ALPK2: variants seen among roughly 807,000 people sequenced by gnomAD.
The protein encoded by ALPK2 is alpha kinase 2, also known as alpha-protein kinase 2.
In ALPK2, 127 loss-of-function variants were observed where a neutral mutation model predicts 163.1. That is an observed-to-expected ratio of 0.78 (90% CI 0.67 to 0.90). ALPK2 has a LOEUF of 0.90. Among genes scored for constraint, ALPK2 ranks in the 40% least tolerant of loss-of-function variants. ALPK2 has a pLI of 0.00. For synonymous variants in ALPK2, 953 were observed against 959.1 expected (o/e 0.99, Z 0.12); for missense variants, 2,360 against 2,589.6 (o/e 0.91, Z 1.92).
chr18:58,596,772 AGAACAGAACCCCTG>A (rs1203266584), intron 3 of ALPK2, among the ~76,000 whole-genome samples: 1 of 152,234 alleles, frequency 6.6e-6, no homozygotes, highest in Non-Finnish European at 1.5e-5. Flanking sequence ...GACTCAGTGA[AGAACAGAACCCCTG>A]GATGCGTTGT....
intron 3 of ALPK2, among the ~76,000 whole-genome samples, chr18:58,582,064 T>C (rs57378615): frequency 0.32 from 48,065 of 152,054 alleles, 8,297 homozygotes; most frequent in East Asian, 0.59. Flanking sequence ...GAGTTGGCAA[T>C]CTGGCTCTTG....
chr18:58,522,593 C>T (rs535728270), intron 8 of ALPK2, among the ~76,000 whole-genome samples: 1 of 152,178 alleles, frequency 6.6e-6, no homozygotes, highest in African/African-American at 2.4e-5. Flanking sequence ...AAGACACAAA[C>T]GAATGGAGTG....
intron 4 of ALPK2, among the ~76,000 whole-genome samples, chr18:58,555,321 G>A (rs953236740): frequency 2.6e-5 from 4 of 152,198 alleles, no homozygotes; most frequent in Non-Finnish European, 5.9e-5. Context: ...CAGGAGTACA[G>A]TAACTAGCTT....
intron 3 of ALPK2, among the ~76,000 whole-genome samples, chr18:58,590,769 C>T (rs1255926000): frequency 6.6e-6 from 1 of 152,218 alleles, no homozygotes; most frequent in Non-Finnish European, 1.5e-5. Flanking sequence ...ATTCCTCATA[C>T]ATTTACCAAT....
chr18:58,595,451 T>G (rs1168943944), intron 3 of ALPK2, among the ~76,000 whole-genome samples: 1 of 152,184 alleles, frequency 6.6e-6, no homozygotes, highest in Non-Finnish European at 1.5e-5. Flanking sequence ...TACATCTTAA[T>G]AGATTTTGTT....
At chr18:58,590,408 C>T (rs1444366336) in intron 3 of ALPK2, among the ~76,000 whole-genome samples, 2 of 152,086 alleles carry the variant, frequency 1.3e-5, no homozygotes, top group Non-Finnish European at 2.9e-5. Context: ...GGAGGGAGGC[C>T]TCTGAAGCTC....
chr18:58,578,641 C>T, intron 4 of ALPK2, 173 bp downstream of exon 4: 1 of 593,744 alleles, frequency 1.7e-6, no homozygotes, highest in Non-Finnish European at 2.8e-6. Context: ...CGAGCAGCAG[C>T]AGCTGTCATG....
At chr18:58,547,632 C>T (rs1163154034) in intron 4 of ALPK2, among the ~76,000 whole-genome samples, 1 of 152,232 alleles carries the variant, frequency 6.6e-6, no homozygotes, top group Non-Finnish European at 1.5e-5. Flanking sequence ...ACCTTGTTAG[C>T]CCTTTGTAAG....
At chr18:58,487,924 C>T (rs1225072888) in intron 12 of ALPK2, among the ~76,000 whole-genome samples, 1 of 152,108 alleles carries the variant, frequency 6.6e-6, no homozygotes, top group Non-Finnish European at 1.5e-5. Context: ...AACTATATTC[C>T]CCCTGGATGA....
chr18:58,566,036 C>G (rs544919176), intron 4 of ALPK2, among the ~76,000 whole-genome samples: 1 of 152,188 alleles, frequency 6.6e-6, no homozygotes, highest in Non-Finnish European at 1.5e-5. Context: ...CTGCCTCGGG[C>G]TCCCAAAGTG....
At chr18:58,581,307 C>T (rs1032040095) in intron 3 of ALPK2, among the ~76,000 whole-genome samples, 22 of 152,144 alleles carry the variant, frequency 1.4e-4, no homozygotes, top group African/African-American at 4.8e-4. Flanking sequence ...TGCTAGAGGC[C>T]GTAAAGATAA....
chr18:58,484,243 G>A (rs1020522700), intron 12 of ALPK2, among the ~76,000 whole-genome samples: 3 of 152,106 alleles, frequency 2.0e-5, no homozygotes, highest in African/African-American at 7.2e-5. Context: ...ATAGTCACAT[G>A]GGAGGAAGGG....
At chr18:58,495,732 C>T (rs960509072) in intron 12 of ALPK2, among the ~76,000 whole-genome samples, 1 of 152,230 alleles carries the variant, frequency 6.6e-6, no homozygotes, top group Non-Finnish European at 1.5e-5. Context: ...CAGGCTAAGA[C>T]ATGAGGAGCG....
At chr18:58,617,146 T>C (rs2052174237) in intron 1 of ALPK2, among the ~76,000 whole-genome samples, 1 of 152,174 alleles carries the variant, frequency 6.6e-6, no homozygotes, top group South Asian at 2.1e-4. Context: ...AGATTTTCCC[T>C]AAACAGTGGA....
chr18:58,604,456 A>G (rs2052087781), intron 3 of ALPK2, among the ~76,000 whole-genome samples: 1 of 152,196 alleles, frequency 6.6e-6, no homozygotes, highest in African/African-American at 2.4e-5. Flanking sequence ...AAACACTGGA[A>G]TCACCTGGGA....
chr18:58,490,575 C>T (rs1293180198), intron 12 of ALPK2, among the ~76,000 whole-genome samples: 3 of 152,162 alleles, frequency 2.0e-5, no homozygotes, highest in Non-Finnish European at 4.4e-5. Flanking sequence ...CCAGCTACCC[C>T]CAACAGAAAC....
intron 4 of ALPK2, among the ~76,000 whole-genome samples, chr18:58,565,775 C>A (rs1568087068): frequency 9.1e-6 from 1 of 110,202 alleles, no homozygotes; most frequent in Non-Finnish European, 2.0e-5. Flanking sequence ...TCCTTCCTTT[C>A]TTTCTTTCTT....
intron 1 of ALPK2, among the ~76,000 whole-genome samples, chr18:58,622,209 T>C (rs557957207): frequency 4.6e-5 from 7 of 152,028 alleles, no homozygotes; most frequent in African/African-American, 1.4e-4. Context: ...TAGCCGGGTG[T>C]GGTGGCACAC....
chr18:58,503,843 CCTT>C, intron 11 of ALPK2, 85 bp downstream of exon 11: 2 of 1,278,772 alleles, frequency 1.6e-6, no homozygotes, highest in Non-Finnish European at 2.2e-6. Flanking sequence ...GCAGGCCTAT[CCTT>C]CCTCTCCCTC....
Sources: gnomAD v4.1 joint callset for allele counts (sites outside exome capture counted in the v4.1 genomes callset) on GRCh38, gnomAD v4.1.1 for gene constraint, MANE v1.5 for transcripts, NCBI Gene and HGNC (gene_info 2026-07-23, HGNC 2026-07-21) for gene names.